TSPOAP1: variants seen among roughly 807,000 people sequenced by gnomAD.
TSPOAP1 encodes the protein TSPO associated protein 1.
In TSPOAP1, 87 loss-of-function variants were observed where a neutral mutation model predicts 197.0. That is an observed-to-expected ratio of 0.44 (90% CI 0.37 to 0.53). The LOEUF is 0.53. Ranked by LOEUF, TSPOAP1 falls within the 20% of genes least tolerant of loss-of-function variation. TSPOAP1 has a pLI of 0.00. For synonymous variants in TSPOAP1, 913 were observed against 998.9 expected (o/e 0.91, Z 1.62); for missense variants, 2,174 against 2,411.3 (o/e 0.90, Z 2.06).
rs748376443 is a variant in TSPOAP1, at chr17:58,312,557, C to G, written c.2264G>C (p.Gly755Ala). The change falls in exon 17 of 32, where the codon GGG (glycine) becomes GCG (alanine). Residue 755 changes from glycine to alanine, a missense_variant. Coordinates refer to ENST00000343736, the MANE Select transcript of TSPOAP1 (RefSeq NM_004758.4). ...GCTCCTTCCCACACTGCTTTGGCCCCCGCTACTGCTGCCACCCCCACCTAC... is the reference window on the plus strand; with the variant it reads ...GCTCCTTCCCACACTGCTTTGGCCCGCGCTACTGCTGCCACCCCCACCTAC... ...LSVGGGGSSS[G>A]GQSSVGRSQP... 6.2e-7 allele frequency: 1 copy of G among 1,609,424 alleles called. No homozygotes were observed. The highest frequency in any genetic ancestry group is 2.2e-5 in the East Asian group (1 of 44,830).
intron 10 of TSPOAP1, chr17:58,321,998 C>T (rs1303921418): frequency 5.5e-6 from 2 of 363,170 alleles, no homozygotes; most frequent in Non-Finnish European, 1.0e-5. Flanking sequence ...ATGTCTACAC[C>T]TCCTGGCTGG....
chr17:58,302,616 G>A (rs751701309), intron 31 of TSPOAP1, 169 bp from the exon 32 acceptor site: 4 of 317,044 alleles, frequency 1.3e-5, no homozygotes, highest in Non-Finnish European at 2.2e-5. Flanking sequence ...CACAGCACAG[G>A]TGGTGAATGG....
chr17:58,305,285 C>T, intron 29 of TSPOAP1, 102 bp downstream of exon 29: 1 of 1,511,640 alleles, frequency 6.6e-7, no homozygotes, highest in Non-Finnish European at 9.2e-7. Flanking sequence ...AGGGAGGTGA[C>T]CCGTTCCATT....
At chr17:58,315,063 T>C (rs1459856590) in intron 16 of TSPOAP1, among the ~76,000 whole-genome samples, 8 of 152,330 alleles carry the variant, frequency 5.3e-5, no homozygotes, top group African/African-American at 1.9e-4. Context: ...TGGTTTTTGA[T>C]TTGGGTGGGG....
chr17:58,304,687 TGGGAGGTATGGAGACCACCCCCA>T lies in TSPOAP1; in HGVS notation c.5545-311_5545-289del. 2 of 569,576 alleles carry T rather than the reference TGGGAGGTATGGAGACCACCCCCA, an allele frequency of 3.5e-6. No homozygotes were observed. Among genetic ancestry groups the T allele is most frequent in the Non-Finnish European group, 6.3e-6 (2 of 317,006 alleles). 35.3% of individuals were successfully genotyped at this position (569,576 alleles called of 1,614,324 possible). On this transcript the variant is annotated intron_variant, in intron 30 of 31. Coordinates refer to ENST00000343736, the MANE Select transcript of TSPOAP1 (RefSeq NM_004758.4). This position sits in a 1 kb window ranked among gnomAD's most constrained non-coding sequence, Gnocchi z 4.2. The stretch of plus-strand genomic sequence containing the variant: ...TGGGCAACTGGCTTCCAAAGGCACC[TGGGAGGTATGGAGACCACCCCCA>T]GGGTGGGAGTGTCCTGAAACAGGGA...
In TSPOAP1 at chr17:58,326,875, A is replaced by ATGTCTCCT; in HGVS notation, c.334-86_334-85insAGGAGACA. 1 of 1,157,434 alleles carries ATGTCTCCT rather than the reference A, an allele frequency of 8.6e-7. No homozygotes were observed. Among genetic ancestry groups the ATGTCTCCT allele is most frequent in the Non-Finnish European group, 1.3e-6 (1 of 772,520 alleles). The allele number at this position is 1,157,434 out of a possible 1,614,324, so 71.7% of individuals were successfully genotyped here. Reference sequence around the variant, plus strand: ...TTCCCTGTGGAAGCATCCACCATCCATGGTCCAAGGAGACATGGAGATGAA... The same window carrying ATGTCTCCT: ...TTCCCTGTGGAAGCATCCACCATCCATGTCTCCTTGGTCCAAGGAGACATGGAGATGAA... On this transcript the variant is annotated intron_variant, in intron 1 of 31. Transcript: ENST00000343736. This position sits in a 1 kb window ranked among gnomAD's most constrained non-coding sequence, Gnocchi z 4.7.
intron 16 of TSPOAP1, among the ~76,000 whole-genome samples, chr17:58,314,080 C>T (rs2143057959): frequency 6.6e-6 from 1 of 152,226 alleles, no homozygotes; most frequent in South Asian, 2.1e-4. Context: ...GAAGGGGGAG[C>T]ACGAGCCAGG....
chr17:58,311,307 TG>T, intron 18 of TSPOAP1, 94 bp from the exon 19 acceptor site: 1 of 1,522,380 alleles, frequency 6.6e-7, no homozygotes, highest in Admixed American at 2.0e-5. Context: ...CTGACAGCAG[TG>T]GCAGCTAGCA....
intron 16 of TSPOAP1, 136 bp downstream of exon 16, chr17:58,315,887 G>C: frequency 1.2e-6 from 1 of 808,162 alleles, no homozygotes; most frequent in African/African-American, 1.7e-5. Context: ...ACGCTGGGCA[G>C]AGGGGATGGA....
At chr17:58,323,167 A>C in intron 7 of TSPOAP1, 128 bp from the exon 8 acceptor site, 1 of 1,466,552 alleles carries the variant, frequency 6.8e-7, no homozygotes, top group South Asian at 1.2e-5. Flanking sequence ...CAGCCAGGAA[A>C]GGAAAGGAGC....
intron 16 of TSPOAP1, among the ~76,000 whole-genome samples, chr17:58,315,544 A>G (rs1971201244): frequency 6.6e-6 from 1 of 152,076 alleles, no homozygotes; most frequent in Non-Finnish European, 1.5e-5. Context: ...TGAAGCAGAC[A>G]CCCTGCCTGG....
At position 58,306,881 on chromosome 17, in the gene TSPOAP1, C is replaced by T; in HGVS notation, c.5071G>A (p.Val1691Met). 2 of 1,613,610 alleles carry T rather than the reference C, an allele frequency of 1.2e-6. No homozygotes were observed. Among genetic ancestry groups the T allele is most frequent in the Non-Finnish European group, 1.7e-6 (2 of 1,180,014 alleles). The change falls in exon 25 of 32, where the codon GTG (valine) becomes ATG (methionine). Residue 1691 changes from valine (V) to methionine (M), a missense_variant. Physicochemically the swap from Val to Met is conservative, Grantham distance 21. This residue lies in a region of TSPOAP1 where 161 missense variants were observed against 159.1 expected (regional missense o/e 1.01). Transcript: ENST00000343736. The stretch of plus-strand genomic sequence containing the variant: ...CTCCCAGCAGGGCTGTCCACAGCCA[C>T]CTCAGCCACCATGTTGCAGGGAATG... ...GYIPCNMVAE[V>M]AVDSPAGRQQ...
chr17:58,302,944 A>C, intron 31 of TSPOAP1: 1 of 152,676 alleles, frequency 6.5e-6, no homozygotes, highest in East Asian at 1.9e-4. Flanking sequence ...TGGCCCCCCC[A>C]GGCCTTCAGG....
At position 58,325,623 on chromosome 17, in the gene TSPOAP1, C is replaced by A. The variant is rs200880731; in HGVS notation, c.661G>T (p.Ala221Ser). ...RQRARDLSET[A>S]SALLAKDKQI... ...TTGTCCTTGGCCAGCAGTGCACTGG[C>A]TGTCTCACTGAGGTCCCGGGCTCGC... Residue 221 changes from alanine to serine, a missense_variant, in exon 4 of 32, where the codon GCC (alanine) becomes TCC (serine). Coordinates refer to ENST00000343736, the MANE Select transcript of TSPOAP1 (RefSeq NM_004758.4). The A allele has an allele frequency of 2.5e-6, 4 of 1,613,650 alleles. No homozygotes were observed. The African/African-American group carries it at 5.3e-5, about 21-fold the overall frequency.
At position 58,306,783 on chromosome 17, in the gene TSPOAP1, A is replaced by C. The variant is rs1156542324; in HGVS notation, c.5152+17T>G. On this transcript the variant is annotated intron_variant, in intron 25 of 31. Transcript: ENST00000343736. ...GGGGCTGGTGGGAGGTGGGTGAGGGACAGCAGCAGGTCATACCTGAGCCCT... is the reference window on the plus strand; with the variant it reads ...GGGGCTGGTGGGAGGTGGGTGAGGGCCAGCAGCAGGTCATACCTGAGCCCT... 6.2e-7 allele frequency: 1 copy of C among 1,600,186 alleles called. No homozygotes were observed. Among genetic ancestry groups the C allele is most frequent in the Non-Finnish European group, 8.6e-7 (1 of 1,169,454 alleles).
At chr17:58,308,244 T>G (rs1970969046) in intron 22 of TSPOAP1, among the ~76,000 whole-genome samples, 1 of 152,220 alleles carries the variant, frequency 6.6e-6, no homozygotes, top group Non-Finnish European at 1.5e-5. Context: ...ACCCTGGACA[T>G]GGCATCACAG....
chr17:58,320,921 T>C (rs1971387326), intron 10 of TSPOAP1, among the ~76,000 whole-genome samples: 1 of 151,972 alleles, frequency 6.6e-6, no homozygotes, highest in Non-Finnish European at 1.5e-5. Context: ...CTGCTCCCTG[T>C]CCCCCATTTT....
In TSPOAP1 at chr17:58,306,361, C is replaced by CT; in HGVS notation, c.5204dup (p.Pro1736AlafsTer8). The CT allele has an allele frequency of 6.4e-7, 1 of 1,554,322 alleles. No homozygotes were observed. The highest frequency in any genetic ancestry group is 8.7e-7 in the Non-Finnish European group (1 of 1,148,342). On this transcript the variant is annotated frameshift_variant, in exon 26 of 32. Coordinates refer to ENST00000343736, the MANE Select transcript of TSPOAP1 (RefSeq NM_004758.4). LOFTEE classifies it high-confidence loss of function. ...ACCCACCTTTCTTGGAGCGGCGGGG[C>CT]TTGGGAGGAGGCCCAGTTGTGTGGG...
rs1218964183 is a variant in TSPOAP1 at position 58,312,327 on chromosome 17, G to T, written c.2494C>A (p.Arg832=). ...GGCGCCCCAGGCCCCAGGGCCTGTC[G>T]CAGCTCCCCATTCACACAGATATGG... is the stretch of plus-strand genomic sequence containing the variant. ...GFHICVNGEL[R]QALGPGAPPK... is the part of the protein sequence containing the mutation. The change falls in exon 17 of 32, where the codon CGA becomes AGA. Residue 832 remains arginine, a synonymous_variant. Coordinates refer to ENST00000343736, the MANE Select transcript of TSPOAP1 (RefSeq NM_004758.4). 1.2e-6 allele frequency: 2 copies of T among 1,612,756 alleles called. No individual in the cohort carries two copies. Among genetic ancestry groups the T allele is most frequent in the East Asian group, 2.2e-5 (1 of 44,880 alleles).
Sources: gnomAD v4.1 joint callset for allele counts (sites outside exome capture counted in the v4.1 genomes callset) on GRCh38, gnomAD v4.1.1 for gene constraint, gnomAD v4.1.1 regional missense constraint, Gnocchi (gnomAD v3.1) non-coding constraint, MANE v1.5 for transcripts, NCBI Gene and HGNC (gene_info 2026-07-23, HGNC 2026-07-21) for gene names.